TAF2: variants seen among roughly 807,000 people sequenced by gnomAD.
TAF2 encodes TATA-box binding protein associated factor 2.
A neutral mutation model predicts 138.5 loss-of-function variants in TAF2; 61 were observed. That is an observed-to-expected ratio of 0.44 (90% CI 0.36 to 0.54). The LOEUF (loss-of-function observed/expected upper bound fraction) is 0.54. Among genes scored for constraint, TAF2 ranks in the 20% least tolerant of loss-of-function variants. The probability of loss-of-function intolerance (pLI) is 0.00; values close to 1 mark genes in which losing one functional copy is unlikely to be tolerated. For missense variants in TAF2, 1,090 were observed against 1,427.9 expected (o/e 0.76, Z 3.81); for synonymous variants, 475 against 469.9 (o/e 1.01, Z -0.14).
In TAF2 at chr8:119,751,069, T is replaced by C. The variant is rs146253180; in HGVS notation, c.2879-4135A>G. Among the ~76,000 whole-genome samples, 479 of 152,300 alleles carry C rather than the reference T, an allele frequency of 3.1e-3. 3 individuals carry two copies. The highest frequency in any genetic ancestry group is 0.011 in the African/African-American group (460 of 41,572). Reference sequence around the variant, plus strand: ...AAGTATTTAAGTCTTAAATAAAATATGGAGCCCCAATAAAAATCTCCAATT... The same window carrying C: ...AAGTATTTAAGTCTTAAATAAAATACGGAGCCCCAATAAAAATCTCCAATT... On this transcript the variant is annotated intron_variant, in intron 22 of 25. Coordinates refer to ENST00000378164, the MANE Select transcript of TAF2 (RefSeq NM_003184.4).
intron 22 of TAF2, among the ~76,000 whole-genome samples, chr8:119,750,623 C>T (rs976918534): frequency 6.6e-6 from 1 of 152,120 alleles, no homozygotes; most frequent in African/African-American, 2.4e-5. Flanking sequence ...GCAGATGAAT[C>T]AATATGTTTT....
At chr8:119,762,340 A>C in intron 19 of TAF2, 75 bp downstream of exon 19, 1 of 1,449,406 alleles carries the variant, frequency 6.9e-7, no homozygotes, top group Non-Finnish European at 9.5e-7. Flanking sequence ...ATATTTCCCA[A>C]TTTTCTATAA....
intron 25 of TAF2, among the ~76,000 whole-genome samples, chr8:119,737,515 T>TTC (rs1819302592): frequency 6.7e-6 from 1 of 149,862 alleles, no homozygotes; most frequent in Non-Finnish European, 1.5e-5. Context: ...CTTTTTCTTT[T>TTC]TTTTTTTTTT....
chr8:119,798,144 A>C (rs1823961939), intron 6 of TAF2, among the ~76,000 whole-genome samples: 1 of 152,176 alleles, frequency 6.6e-6, no homozygotes, highest in Non-Finnish European at 1.5e-5. Flanking sequence ...GGTACACATA[A>C]TAAGACTTAA....
intron 18 of TAF2, among the ~76,000 whole-genome samples, chr8:119,773,065 T>C (rs1400824247): frequency 6.7e-6 from 1 of 149,140 alleles, no homozygotes; most frequent in African/African-American, 2.4e-5. Context: ...ACATCATCAT[T>C]ATTGAAAAAG....
chr8:119,825,022 G>C (rs997615888), intron 2 of TAF2, among the ~76,000 whole-genome samples: 1 of 152,224 alleles, frequency 6.6e-6, no homozygotes, highest in African/African-American at 2.4e-5. Flanking sequence ...CCATCCTCCA[G>C]ACCCCAGAAT....
intron 18 of TAF2, among the ~76,000 whole-genome samples, chr8:119,766,015 G>A (rs1383970435): frequency 1.3e-5 from 2 of 152,118 alleles, no homozygotes; most frequent in Non-Finnish European, 2.9e-5. Flanking sequence ...TAGAAAAGAC[G>A]ATGTAGGTAT....
chr8:119,732,352 A>G (rs1818933301), intron 25 of TAF2, among the ~76,000 whole-genome samples, 166 bp from the exon 26 acceptor site: 1 of 152,232 alleles, frequency 6.6e-6, no homozygotes, highest in Non-Finnish European at 1.5e-5. Context: ...AGTTACACAC[A>G]GAGTTTTTCA....
chr8:119,767,475 C>T (rs914586641), intron 18 of TAF2, among the ~76,000 whole-genome samples: 5 of 152,118 alleles, frequency 3.3e-5, no homozygotes, highest in Non-Finnish European at 5.9e-5. Context: ...CTACTAAGAA[C>T]TTTTACAATC....
chr8:119,743,974 G>T lies in TAF2; in HGVS notation c.3214+314C>A, dbSNP rs1819776926. Among the ~76,000 whole-genome samples, 4 of 152,074 alleles carry T rather than the reference G, an allele frequency of 2.6e-5. No homozygotes were observed. The South Asian group carries it at 8.3e-4, about 31-fold the overall frequency. On this transcript the variant is annotated intron_variant, in intron 24 of 25. Transcript: ENST00000378164. ...TTTAACTGCAGTTAAAAAAATTAAT[G>T]TAACTATGGTTACATGAAGTCAAGT... is the stretch of plus-strand genomic sequence containing the variant.
intron 25 of TAF2, among the ~76,000 whole-genome samples, chr8:119,734,647 A>C (rs1294656759): frequency 6.6e-6 from 1 of 152,200 alleles, no homozygotes; most frequent in Admixed American, 6.5e-5. Flanking sequence ...CATTTAATAA[A>C]CATCAGAAAC....
At chr8:119,774,613 A>G (rs1227758675) in intron 18 of TAF2, among the ~76,000 whole-genome samples, 1 of 152,072 alleles carries the variant, frequency 6.6e-6, no homozygotes, top group Admixed American at 6.6e-5. Flanking sequence ...CCTGATTTAC[A>G]CGGAGAAAAT....
chr8:119,760,847 G>T, intron 19 of TAF2, 109 bp from the exon 20 acceptor site: 3 of 1,437,478 alleles, frequency 2.1e-6, no homozygotes, highest in Non-Finnish European at 2.9e-6. Context: ...AAACTGATGT[G>T]ATTTTAATCC....
rs540674965 is a variant in TAF2, at chr8:119,829,529, G to T, written c.138+2148C>A. ...TCCCTCAATTAACTTGTGTGTGTGTGTGAGTGTGTGTGTATATATATGTAT... is the reference window on the plus strand; with the variant it reads ...TCCCTCAATTAACTTGTGTGTGTGTTTGAGTGTGTGTGTATATATATGTAT... On this transcript the variant is annotated intron_variant, in intron 2 of 25. Coordinates refer to ENST00000378164, the MANE Select transcript of TAF2 (RefSeq NM_003184.4). Among the ~76,000 whole-genome samples, 5 of 151,564 alleles carry T rather than the reference G, an allele frequency of 3.3e-5. 1 individual carries two copies. In the South Asian group the frequency reaches 1.0e-3, roughly 31 times the overall value.
chr8:119,797,611 C>T lies in TAF2; in HGVS notation c.977+51G>A, dbSNP rs1003107212. 1.2e-5 allele frequency: 19 copies of T among 1,558,280 alleles called. No individual in the cohort carries two copies. The African/African-American group carries it at 2.3e-4, about 19-fold the overall frequency. On this transcript the variant is annotated intron_variant, in intron 7 of 25. Coordinates refer to ENST00000378164, the MANE Select transcript of TAF2 (RefSeq NM_003184.4). ...ATTGACCGCAAAATCAGTAAATTTT[C>T]TTCATATCATGATCTTAATTTAGGC...
At chr8:119,772,560 A>G (rs912062412) in intron 18 of TAF2, among the ~76,000 whole-genome samples, 4 of 152,212 alleles carry the variant, frequency 2.6e-5, no homozygotes, top group African/African-American at 9.6e-5. Context: ...TAGGTAACAT[A>G]TCAATGTAAA....
chr8:119,758,009 C>T (rs1309150940), intron 21 of TAF2, 64 bp downstream of exon 21: 2 of 1,333,822 alleles, frequency 1.5e-6, no homozygotes, highest in African/African-American at 1.4e-5. Context: ...TATGTGTAAT[C>T]TGAAATTACT....
intron 14 of TAF2, among the ~76,000 whole-genome samples, chr8:119,786,058 T>C (rs1238036401): frequency 7.2e-5 from 11 of 152,198 alleles, no homozygotes; most frequent in Admixed American, 6.5e-4. Context: ...CTCATCTATC[T>C]GAGTGAACTA....
At chr8:119,734,141 G>A (rs1819062080) in intron 25 of TAF2, among the ~76,000 whole-genome samples, 1 of 152,046 alleles carries the variant, frequency 6.6e-6, no homozygotes, top group African/African-American at 2.4e-5. Flanking sequence ...GTCCAGGCTG[G>A]GAAACCCTGC....
Sources: allele counts gnomAD v4.1 joint callset (sites outside exome capture counted in the v4.1 genomes callset), GRCh38; gene constraint gnomAD v4.1.1; transcripts MANE v1.5; gene names NCBI Gene and HGNC (gene_info 2026-07-23, HGNC 2026-07-21).